The following SNRPB2 variants were observed in gnomAD, a reference collection of about 807,000 sequenced individuals.
SNRPB2 encodes U2 small nuclear ribonucleoprotein B''.
A neutral mutation model predicts 26.3 loss-of-function variants in SNRPB2; 16 were observed. The observed-to-expected ratio is 0.61, with a 90% CI of 0.41 to 0.92. The LOEUF (loss-of-function observed/expected upper bound fraction) is 0.92. SNRPB2 is among the 40% of genes least tolerant of loss of function. SNRPB2 has a pLI of 0.00. For synonymous variants in SNRPB2, 75 were observed against 89.0 expected, an observed-to-expected ratio of 0.84 and a Z score of 0.88; for missense variants, 179 against 268.1, an observed-to-expected ratio of 0.67 and a Z score of 2.32.
At chr20:16,734,721 G>A (rs773308410) in intron 3 of SNRPB2, among the ~76,000 whole-genome samples, 3 of 152,174 alleles carry the variant, frequency 2.0e-5, no homozygotes, top group Admixed American at 6.5e-5. Flanking sequence ...GCATAACAAC[G>A]AGTAATGTCT....
chr20:16,736,786 C>A (rs2072428894), intron 3 of SNRPB2, among the ~76,000 whole-genome samples: 1 of 152,186 alleles, frequency 6.6e-6, no homozygotes, highest in African/African-American at 2.4e-5. Context: ...CTATGTCAAG[C>A]TGAGCAGTTT....
intron 5 of SNRPB2, among the ~76,000 whole-genome samples, chr20:16,739,676 T>C (rs1205314945): frequency 6.6e-6 from 1 of 152,204 alleles, no homozygotes; most frequent in Admixed American, 6.5e-5. Flanking sequence ...CTTTTCTCTT[T>C]TATGACAGTA....
chr20:16,730,432 G>C (rs2072381741), intron 1 of SNRPB2: 1 of 152,328 alleles, frequency 6.6e-6, no homozygotes, highest in Admixed American at 6.5e-5. Context: ...GGGTAATTCA[G>C]GGTGTCCCTG....
chr20:16,741,222 A>G lies in SNRPB2; in HGVS notation c.*217A>G. 4 of 410,956 alleles carry G rather than the reference A, an allele frequency of 9.7e-6. No homozygotes were observed. The highest frequency in any genetic ancestry group is 3.8e-5 in the East Asian group (1 of 25,998). The allele number at this position is 410,956 out of a possible 1,614,324, so 25.5% of individuals were successfully genotyped here. A position where few individuals can be genotyped will look rare whatever the true frequency, so the allele number is the denominator to read the frequency against. On this transcript the variant is annotated 3_prime_UTR_variant, in exon 7 of 7. Transcript: ENST00000246071. The stretch of plus-strand genomic sequence containing the variant: ...AAACTTTTATTTGTATTCTGTGTAT[A>G]TAATGCTTTCTTGATTGACCCATCT...
At position 16,738,893 on chromosome 20, in the gene SNRPB2, A is replaced by G; in HGVS notation, c.420A>G (p.Pro140=). ...NSANTQGNST[P]NPQVPDYPPN... ...CTAATACCCAAGGAAATTCAACACC[A>G]AATCCTCAGGTAATTTTTTTTCCAT... Residue 140 remains proline (P), a synonymous_variant, in exon 5 of 7, where the codon CCA becomes CCG. Coordinates refer to ENST00000246071, the MANE Select transcript of SNRPB2 (RefSeq NM_003092.5). The G allele has an allele frequency of 6.2e-7, 1 of 1,604,270 alleles. No homozygotes were observed. Among genetic ancestry groups the G allele is most frequent in the Non-Finnish European group, 8.5e-7 (1 of 1,171,234 alleles).
chr20:16,736,368 G>C (rs1378432180), intron 3 of SNRPB2, among the ~76,000 whole-genome samples: 5 of 152,118 alleles, frequency 3.3e-5, no homozygotes, highest in Non-Finnish European at 7.3e-5. Context: ...CCTGTGTCCT[G>C]ATTGTGGTGG....
intron 4 of SNRPB2, among the ~76,000 whole-genome samples, chr20:16,738,270 G>A (rs572807431): frequency 1.6e-4 from 24 of 151,368 alleles, no homozygotes; most frequent in Middle Eastern, 3.4e-3. Context: ...GTGATACCCC[G>A]TCTCTACTAA....
rs1165846999 is a variant in SNRPB2 at position 16,742,506 on chromosome 20, A to T, written c.*1501A>T. The T allele has an allele frequency of 2.0e-5, 3 of 152,034 alleles. No individual in the cohort carries two copies. The highest frequency in any genetic ancestry group is 7.2e-5 in the African/African-American group (3 of 41,392). 9.4% of individuals were successfully genotyped at this position (152,034 alleles called of 1,614,324 possible). A position where few individuals can be genotyped will look rare whatever the true frequency, so the allele number is the denominator to read the frequency against. On this transcript the variant is annotated 3_prime_UTR_variant, in exon 7 of 7. Coordinates refer to ENST00000246071, the MANE Select transcript of SNRPB2 (RefSeq NM_003092.5). ...GTGAAATGGGGGACTATTTTAGAGAATTTTTTTAAAGTGGGTTAGAATTTA... is the reference window on the plus strand; with the variant it reads ...GTGAAATGGGGGACTATTTTAGAGATTTTTTTTAAAGTGGGTTAGAATTTA...
intron 1 of SNRPB2, 63 bp from the exon 2 acceptor site, chr20:16,731,605 A>G (rs1263441523): frequency 6.8e-7 from 1 of 1,480,186 alleles, no homozygotes; most frequent in Non-Finnish European, 9.2e-7. Context: ...AAAAGTTAAT[A>G]ATTCTTGTGT....
In SNRPB2 at chr20:16,738,789, T is replaced by C. The variant is rs1037145394; in HGVS notation, c.379-63T>C. On this transcript the variant is annotated intron_variant, in intron 4 of 6. Coordinates refer to ENST00000246071, the MANE Select transcript of SNRPB2 (RefSeq NM_003092.5). ...ATTTTTAATGCAGTAATTATAAATA[T>C]AAATACCTGCTGCGTTTTTGGAGGG... 4.0e-5 allele frequency: 35 copies of C among 870,826 alleles called. No homozygotes were observed. The African/African-American group carries it at 5.0e-4, about 12-fold the overall frequency. 53.9% of individuals were successfully genotyped at this position (870,826 alleles called of 1,614,324 possible). A position where few individuals can be genotyped will look rare whatever the true frequency, so the allele number is the denominator to read the frequency against.
At chr20:16,731,824 TA>T in intron 2 of SNRPB2, 58 bp downstream of exon 2, 1 of 1,602,782 alleles carries the variant, frequency 6.2e-7, no homozygotes, top group Non-Finnish European at 8.5e-7. Flanking sequence ...ACTACTGTCT[TA>T]AAAATTGTAC....
intron 4 of SNRPB2, among the ~76,000 whole-genome samples, chr20:16,738,515 A>C (rs1320185116): frequency 1.3e-5 from 2 of 151,876 alleles, no homozygotes; most frequent in Admixed American, 6.6e-5. Flanking sequence ...ATTAAAAGTC[A>C]GTTTTATTAA....
chr20:16,736,861 C>G (rs1401975949), intron 3 of SNRPB2, among the ~76,000 whole-genome samples: 2 of 152,106 alleles, frequency 1.3e-5, no homozygotes, highest in Non-Finnish European at 2.9e-5. Context: ...GATCTTGAGC[C>G]AGATCCTCAG....
intron 4 of SNRPB2, 105 bp from the exon 5 acceptor site, chr20:16,738,747 C>G (rs2072444389): frequency 1.4e-6 from 1 of 709,686 alleles, no homozygotes; most frequent in South Asian, 1.6e-5. Flanking sequence ...AGAAGGATAT[C>G]TCTTGGAATT....
intron 3 of SNRPB2, among the ~76,000 whole-genome samples, chr20:16,736,113 A>T (rs779739556): frequency 3.3e-5 from 5 of 152,248 alleles, no homozygotes; most frequent in Non-Finnish European, 7.3e-5. Context: ...TCATTGAATG[A>T]TGTAAATCAA....
At chr20:16,735,307 G>A (rs1432770358) in intron 3 of SNRPB2, among the ~76,000 whole-genome samples, 1 of 152,268 alleles carries the variant, frequency 6.6e-6, no homozygotes, top group East Asian at 1.9e-4. Context: ...AAAGTAATTT[G>A]TACAGATTAC....
intron 3 of SNRPB2, among the ~76,000 whole-genome samples, chr20:16,733,465 G>A (rs1325608576): frequency 6.6e-6 from 1 of 152,204 alleles, no homozygotes; most frequent in African/African-American, 2.4e-5. Flanking sequence ...GGCATAGAAA[G>A]TTTAATTGTT....
intron 4 of SNRPB2, among the ~76,000 whole-genome samples, chr20:16,737,897 G>A (rs6111265): frequency 0.18 from 26,882 of 151,478 alleles, 2,567 homozygotes; most frequent in South Asian, 0.32. Flanking sequence ...AATTTAGCTG[G>A]GCTTGGTGGT....
intron 5 of SNRPB2, among the ~76,000 whole-genome samples, chr20:16,739,257 C>T (rs2072447946): frequency 6.6e-6 from 1 of 152,132 alleles, no homozygotes; most frequent in South Asian, 2.1e-4. Context: ...GGGTCAGGGG[C>T]TCTCTTCCAT....
Sources: gnomAD v4.1 joint callset for allele counts (sites outside exome capture counted in the v4.1 genomes callset) on GRCh38, gnomAD v4.1.1 for gene constraint, MANE v1.5 for transcripts, NCBI Gene and HGNC (gene_info 2026-07-23, HGNC 2026-07-21) for gene names.